ACCSL: variants seen among roughly 807,000 people sequenced by gnomAD.
The protein encoded by ACCSL is 1-aminocyclopropane-1-carboxylate synthase homolog (inactive) like.
In ACCSL, 55 loss-of-function variants were observed where a neutral mutation model predicts 61.7. The observed-to-expected ratio is 0.89, with a 90% CI of 0.72 to 1.12. ACCSL has a LOEUF of 1.12. Among genes scored for constraint, ACCSL ranks in the 50% most tolerant of loss-of-function variants. ACCSL has a pLI of 0.00. For synonymous variants in ACCSL, 258 were observed against 264.3 expected, an observed-to-expected ratio of 0.98 and a Z score of 0.23; for missense variants, 632 against 698.0, an observed-to-expected ratio of 0.91 and a Z score of 1.07.
At chr11:43,932,839 G>A in the ACCSL span, among the ~76,000 whole-genome samples, 2 of 152,154 alleles carry the variant, frequency 1.3e-5, no homozygotes, top group Non-Finnish European at 2.9e-5. Flanking sequence ...CCCAGAACTC[G>A]GAAGCGGTTC....
the ACCSL span, among the ~76,000 whole-genome samples, chr11:43,927,990 A>G: frequency 2.0e-5 from 3 of 152,224 alleles, no homozygotes; most frequent in East Asian, 5.8e-4. Context: ...TGAAAGTGGA[A>G]CAAGGGGTCC....
At chr11:43,963,677 G>A in the ACCSL span, among the ~76,000 whole-genome samples, 8 of 152,194 alleles carry the variant, frequency 5.3e-5, no homozygotes, top group Non-Finnish European at 1.0e-4. Flanking sequence ...CCCTAACTAC[G>A]TATTATTCTT....
chr11:43,975,217 G>A, the ACCSL span, among the ~76,000 whole-genome samples: 3 of 152,154 alleles, frequency 2.0e-5, no homozygotes, highest in Admixed American at 6.5e-5. Flanking sequence ...TCCATATTAT[G>A]TAGAGGCAAG....
chr11:43,990,726 C>G, the ACCSL span, among the ~76,000 whole-genome samples: 3 of 152,194 alleles, frequency 2.0e-5, no homozygotes, highest in Non-Finnish European at 4.4e-5. Flanking sequence ...TTTAGCCGCT[C>G]CTGGTGCACT....
chr11:44,024,594 T>C, the ACCSL span, among the ~76,000 whole-genome samples: 1 of 152,080 alleles, frequency 6.6e-6, no homozygotes, highest in African/African-American at 2.4e-5. Context: ...TGAGACTTGT[T>C]TTATGGGCTG....
the ACCSL span, among the ~76,000 whole-genome samples, chr11:44,010,219 A>G: frequency 6.6e-6 from 1 of 151,910 alleles, no homozygotes; most frequent in Non-Finnish European, 1.5e-5. Context: ...ACATGCCTGT[A>G]ATCCCAGCTA....
At chr11:43,953,822 C>T in the ACCSL span, among the ~76,000 whole-genome samples, 1 of 152,062 alleles carries the variant, frequency 6.6e-6, no homozygotes, top group African/African-American at 2.4e-5. Context: ...CGAAAAATAA[C>T]CATACAAACC....
At chr11:43,986,247 T>G in the ACCSL span, among the ~76,000 whole-genome samples, 1 of 152,108 alleles carries the variant, frequency 6.6e-6, no homozygotes, top group Non-Finnish European at 1.5e-5. Flanking sequence ...TCTCTCATCA[T>G]GACCATTGCC....
the ACCSL span, among the ~76,000 whole-genome samples, chr11:44,003,288 T>C: frequency 4.6e-5 from 7 of 152,206 alleles, 1 homozygote; most frequent in Non-Finnish European, 1.0e-4. Flanking sequence ...TTGTTTTTTA[T>C]TGTGGCCAAA....
upstream of ACCSL, among the ~76,000 whole-genome samples, chr11:44,044,973 T>C (rs1009153050): frequency 6.6e-6 from 1 of 152,140 alleles, no homozygotes; most frequent in Admixed American, 6.5e-5. Context: ...AGGAGAGGAT[T>C]GGTATACCCC....
At chr11:44,007,299 G>GC in the ACCSL span, among the ~76,000 whole-genome samples, 1 of 152,122 alleles carries the variant, frequency 6.6e-6, no homozygotes, top group African/African-American at 2.4e-5. Context: ...AGACAGAAGT[G>GC]CCCCCCAGCT....
the ACCSL span, among the ~76,000 whole-genome samples, chr11:43,978,144 G>A: frequency 0.021 from 3,221 of 151,218 alleles, 58 homozygotes; most frequent in Non-Finnish European, 0.034. Flanking sequence ...TGAGTAACTC[G>A]GATTACAGTC....
the ACCSL span, among the ~76,000 whole-genome samples, chr11:43,948,061 T>TC: frequency 6.6e-6 from 1 of 152,164 alleles, no homozygotes; most frequent in Non-Finnish European, 1.5e-5. Context: ...TAGGTGGCCA[T>TC]CCCAGCTCTG....
chr11:44,038,837 C>T, the ACCSL span, among the ~76,000 whole-genome samples: 2 of 152,174 alleles, frequency 1.3e-5, no homozygotes, highest in Non-Finnish European at 2.9e-5. Flanking sequence ...ATGTCCTCCC[C>T]AACCTCTCCC....
At chr11:44,020,430 C>G in the ACCSL span, among the ~76,000 whole-genome samples, 1 of 151,994 alleles carries the variant, frequency 6.6e-6, no homozygotes, top group Non-Finnish European at 1.5e-5. Flanking sequence ...AATTTTAAGT[C>G]TTTCACCATT....
chr11:44,005,567 G>A, the ACCSL span, among the ~76,000 whole-genome samples: 1 of 152,152 alleles, frequency 6.6e-6, no homozygotes. Flanking sequence ...TGAATGCACA[G>A]CGGGTTTGGG....
the ACCSL span, among the ~76,000 whole-genome samples, chr11:43,939,064 T>A: frequency 6.6e-5 from 10 of 152,166 alleles, no homozygotes; most frequent in African/African-American, 1.9e-4. Flanking sequence ...TGTGTATCTC[T>A]TCTTGCAAAC....
the ACCSL span, chr11:43,943,229 C>G: frequency 6.5e-7 from 1 of 1,528,486 alleles, no homozygotes; most frequent in East Asian, 2.7e-5. The surrounding 1 kb of genome is among the most constrained non-coding windows in gnomAD (Gnocchi z 4.8). Context: ...CAGCTGCAAA[C>G]TGAGGAACAG....
intron 1 of ACCSL, 22 bp downstream of exon 1, chr11:44,048,562 TGG>T: frequency 5.2e-6 from 1 of 193,380 alleles, no homozygotes; most frequent in Non-Finnish European, 9.2e-6. Flanking sequence ...GGGTGGGGGG[TGG>T]GCAGCATCCT....
Sources: gnomAD v4.1 joint callset for allele counts (sites outside exome capture counted in the v4.1 genomes callset) on GRCh38, gnomAD v4.1.1 for gene constraint, Gnocchi (gnomAD v3.1) non-coding constraint, MANE v1.5 for transcripts, NCBI Gene and HGNC (gene_info 2026-07-23, HGNC 2026-07-21) for gene names.